The following TLK2 variants were observed in gnomAD, a reference collection of about 807,000 sequenced individuals.
The protein encoded by TLK2 is tousled like kinase 2, also known as serine/threonine-protein kinase tousled-like 2.
A neutral mutation model predicts 117.3 loss-of-function variants in TLK2; 6 were observed. The observed-to-expected ratio is 0.05, with a 90% CI of 0.03 to 0.10. TLK2 has a LOEUF of 0.10. TLK2 is among the 10% of genes least tolerant of loss of function. The pLI is 1.00. For synonymous variants in TLK2, 257 were observed against 316.7 expected (o/e 0.81, Z 2.00); for missense variants, 299 against 901.2 (o/e 0.33, Z 8.56).
chr17:62,571,179 C>T (rs1385199789), intron 11 of TLK2, among the ~76,000 whole-genome samples: 1 of 151,990 alleles, frequency 6.6e-6, no homozygotes, highest in East Asian at 1.9e-4. Flanking sequence ...TATAGTTGTC[C>T]CTTGTGGGGA....
intron 16 of TLK2, among the ~76,000 whole-genome samples, chr17:62,592,664 C>G (rs1472604378): frequency 6.6e-6 from 1 of 152,158 alleles, no homozygotes. Flanking sequence ...TTGTGGAAGA[C>G]AGTTTTTCCA....
intron 16 of TLK2, among the ~76,000 whole-genome samples, chr17:62,594,366 C>T (rs976546439): frequency 2.0e-5 from 3 of 152,110 alleles, no homozygotes; most frequent in Non-Finnish European, 4.4e-5. Flanking sequence ...TGTGATCGCG[C>T]CACTGCACTC....
At chr17:62,501,161 C>T (rs2074159251) in intron 2 of TLK2, among the ~76,000 whole-genome samples, 1 of 152,104 alleles carries the variant, frequency 6.6e-6, no homozygotes, top group South Asian at 2.1e-4. Context: ...TGGTGTGAAC[C>T]TGGGAGGTGG....
chr17:62,531,241 A>G (rs2076718454), intron 6 of TLK2, among the ~76,000 whole-genome samples: 1 of 149,464 alleles, frequency 6.7e-6, no homozygotes, highest in Non-Finnish European at 1.5e-5. Flanking sequence ...TTCTAATTTT[A>G]TTACCATGGC....
rs1312469638 is a variant in TLK2 at position 62,550,721 on chromosome 17, A to G, written c.532-1581A>G. The G allele has an allele frequency of 2.6e-5, 4 of 152,116 alleles. No homozygotes were observed. In the East Asian group the frequency reaches 7.7e-4, roughly 29 times the overall value. The allele number at this position is 152,116 out of a possible 1,614,324, so 9.4% of individuals were successfully genotyped here. A position where few individuals can be genotyped will look rare whatever the true frequency, so the allele number is the denominator to read the frequency against. On this transcript the variant is annotated intron_variant, in intron 7 of 21. Transcript: ENST00000346027. The stretch of plus-strand genomic sequence containing the variant: ...ATTGAGAGCAGTTATTGTGGACACA[A>G]CCCCCAGTTCTGGTCACCCCACCCA...
In TLK2 at chr17:62,519,598, G is replaced by A. The variant is rs561929030; in HGVS notation, c.82-1175G>A. On this transcript the variant is annotated intron_variant, in intron 2 of 21. Coordinates refer to ENST00000346027, the MANE Select transcript of TLK2 (RefSeq NM_006852.6). ...GGAGGCGGAGGCGGGTGGATCACCTGAGGTCAGGAGTTCGAGACCAGCCTG... is the reference window on the plus strand; with the variant it reads ...GGAGGCGGAGGCGGGTGGATCACCTAAGGTCAGGAGTTCGAGACCAGCCTG... 2.0e-5 allele frequency among the ~76,000 whole-genome samples: 3 copies of A among 152,236 alleles called. No homozygotes were observed. The East Asian group carries it at 5.8e-4, about 29-fold the overall frequency.
intron 11 of TLK2, among the ~76,000 whole-genome samples, chr17:62,572,176 CAA>C (rs111925931): frequency 4.0e-4 from 22 of 54,564 alleles, no homozygotes; most frequent in Admixed American, 8.3e-4. Context: ...GGCTCTGTCT[CAA>C]AAAAAAAAAA....
chr17:62,504,692 C>T (rs1198865322), intron 2 of TLK2, among the ~76,000 whole-genome samples: 1 of 152,100 alleles, frequency 6.6e-6, no homozygotes, highest in African/African-American at 2.4e-5. Context: ...CTTGTAGTCT[C>T]AGCTACTTGG....
At chr17:62,503,442 G>A (rs1344949991) in intron 2 of TLK2, among the ~76,000 whole-genome samples, 1 of 148,482 alleles carries the variant, frequency 6.7e-6, no homozygotes, top group African/African-American at 2.5e-5. Flanking sequence ...TTTTGAGACA[G>A]GGTCTCACTC....
intron 16 of TLK2, among the ~76,000 whole-genome samples, chr17:62,593,786 T>G (rs887863613): frequency 1.3e-5 from 2 of 150,016 alleles, no homozygotes; most frequent in African/African-American, 4.9e-5. Flanking sequence ...AGTGGTACAC[T>G]CTAAATTTTT....
chr17:62,503,406 T>C (rs2074385582), intron 2 of TLK2, among the ~76,000 whole-genome samples: 1 of 140,548 alleles, frequency 7.1e-6, no homozygotes, highest in East Asian at 2.1e-4. Flanking sequence ...TTTTACTTTT[T>C]AGTTATAACT....
intron 19 of TLK2, among the ~76,000 whole-genome samples, chr17:62,605,532 G>A (rs192493533): frequency 8.6e-4 from 130 of 151,924 alleles, no homozygotes; most frequent in African/African-American, 3.0e-3. Flanking sequence ...GCTACCAGGC[G>A]CAGCTAATTT....
intron 7 of TLK2, among the ~76,000 whole-genome samples, chr17:62,540,576 T>G (rs1175368556): frequency 6.6e-6 from 1 of 150,646 alleles, no homozygotes; most frequent in Admixed American, 6.6e-5. Flanking sequence ...TTTTTGTATT[T>G]TTAGTAGAGA....
At chr17:62,484,786 G>T (rs1278225501) in intron 2 of TLK2, among the ~76,000 whole-genome samples, 1 of 152,078 alleles carries the variant, frequency 6.6e-6, no homozygotes, top group East Asian at 1.9e-4. Context: ...GCCAGGCACG[G>T]TGGCTCACGC....
At position 62,608,117 on chromosome 17, in the gene TLK2, C is replaced by T. The variant is rs775311099; in HGVS notation, c.2048C>T (p.Pro683Leu). ...CTTAAAGCTACTGAAGTGCAGTTCCCGCCAAAGCCAGTAGTAACACCTGAA... is the reference window on the plus strand; with the variant it reads ...CTTAAAGCTACTGAAGTGCAGTTCCTGCCAAAGCCAGTAGTAACACCTGAA... Reference protein sequence around the residue: ...TILKATEVQFPPKPVVTPEAK... With the variant: ...TILKATEVQFLPKPVVTPEAK... Residue 683 changes from proline to leucine, a missense_variant, in exon 21 of 22, where the codon CCG becomes CTG. This residue lies in a region of TLK2 where 81 missense variants were observed against 370.9 expected (regional missense o/e 0.22). Transcript: ENST00000346027. 8.1e-6 allele frequency: 13 copies of T among 1,613,918 alleles called. No homozygotes were observed. The highest frequency in any genetic ancestry group is 1.0e-5 in the Non-Finnish European group (12 of 1,180,002).
intron 6 of TLK2, among the ~76,000 whole-genome samples, chr17:62,526,061 A>G (rs1047601425): frequency 2.4e-4 from 37 of 152,366 alleles, no homozygotes; most frequent in Non-Finnish European, 3.2e-4. Context: ...TGAAGACAAA[A>G]GAGATGAACT....
At chr17:62,506,121 T>G (rs1441470548) in intron 2 of TLK2, among the ~76,000 whole-genome samples, 1 of 152,210 alleles carries the variant, frequency 6.6e-6, no homozygotes, top group African/African-American at 2.4e-5. Context: ...GAGTCATATG[T>G]GGGTTATACC....
rs1567919853 is a variant in TLK2, at chr17:62,560,009, A to G, written c.721-7A>G. On this transcript the variant is annotated splice_region_variant and splice_polypyrimidine_tract_variant and intron_variant, in intron 9 of 21. Coordinates refer to ENST00000346027, the MANE Select transcript of TLK2 (RefSeq NM_006852.6). ...GGAGCTAATTAAAAATTTTTTTCTC[A>G]TTGAAGGCCAACTGTGATTTGAGAC... 1.9e-6 allele frequency: 3 copies of G among 1,593,286 alleles called. No homozygotes were observed. Among genetic ancestry groups the G allele is most frequent in the Non-Finnish European group, 2.6e-6 (3 of 1,170,380 alleles).
At chr17:62,488,820 ATTTTTTTTTTTTT>A (rs36026309) in intron 2 of TLK2, among the ~76,000 whole-genome samples, 2 of 99,766 alleles carry the variant, frequency 2.0e-5, no homozygotes, top group Non-Finnish European at 3.9e-5. Context: ...GGCCTTGAAG[ATTTTTTTTTTTTT>A]TTTTTTTTTT....
Sources: gnomAD v4.1 joint callset for allele counts (sites outside exome capture counted in the v4.1 genomes callset) on GRCh38, gnomAD v4.1.1 for gene constraint, gnomAD v4.1.1 regional missense constraint, MANE v1.5 for transcripts, NCBI Gene and HGNC (gene_info 2026-07-23, HGNC 2026-07-21) for gene names.